Variants in SMG1 observed in about 807,000 individuals in gnomAD.
SMG1 encodes SMG1 nonsense mediated mRNA decay associated PI3K related kinase.
A neutral mutation model predicts 419.9 loss-of-function variants in SMG1; 22 were observed. That is an observed-to-expected ratio of 0.05 (90% CI 0.04 to 0.07). The LOEUF (loss-of-function observed/expected upper bound fraction) is 0.07. SMG1 is among the 10% of genes least tolerant of loss of function. The pLI is 1.00. For synonymous variants in SMG1, 1,538 were observed against 1,553.5 expected (o/e 0.99, Z 0.23); for missense variants, 3,185 against 4,342.0 (o/e 0.73, Z 7.49).
At chr16:18,898,545 G>C (rs1471363932) in intron 1 of SMG1, among the ~76,000 whole-genome samples, 2 of 152,098 alleles carry the variant, frequency 1.3e-5, no homozygotes, top group East Asian at 3.9e-4. Flanking sequence ...CATTTAACAT[G>C]CATCTATATA....
intron 13 of SMG1, among the ~76,000 whole-genome samples, chr16:18,874,385 C>T (rs1458930467): frequency 2.6e-5 from 4 of 151,630 alleles, no homozygotes; most frequent in African/African-American, 7.3e-5. Context: ...GTGATCAGCC[C>T]GACTTGGCCT....
chr16:18,844,474 TACACAC>T (rs71141074), intron 39 of SMG1, among the ~76,000 whole-genome samples: 298 of 4,180 alleles, frequency 0.071, 83 homozygotes, highest in South Asian at 0.22. Flanking sequence ...CCCGCCCACC[TACACAC>T]ACACACACAC....
At chr16:18,879,352 C>T (rs1289784622) in intron 11 of SMG1, 143 bp downstream of exon 11, 17 of 626,164 alleles carry the variant, frequency 2.7e-5, no homozygotes, top group South Asian at 2.5e-4. Flanking sequence ...TGGATGCAAG[C>T]AATCCTTCTG....
At chr16:18,833,805 T>C (rs1419788042) in intron 50 of SMG1, among the ~76,000 whole-genome samples, 1 of 152,218 alleles carries the variant, frequency 6.6e-6, no homozygotes, top group African/African-American at 2.4e-5. Flanking sequence ...TCTCATATTA[T>C]ACACTCTCCA....
intron 50 of SMG1, 29 bp downstream of exon 50, chr16:18,834,175 A>G: frequency 1.3e-6 from 2 of 1,482,220 alleles, no homozygotes; most frequent in Non-Finnish European, 1.8e-6. Flanking sequence ...TATCTAAAAC[A>G]AACTAATATT....
intron 5 of SMG1, among the ~76,000 whole-genome samples, chr16:18,889,973 G>A (rs1159408209): frequency 6.6e-6 from 1 of 152,122 alleles, no homozygotes; most frequent in Non-Finnish European, 1.5e-5. Context: ...ATAAAAAATG[G>A]TAATAGTTAA....
intron 7 of SMG1, 53 bp downstream of exon 7, chr16:18,885,488 C>T (rs1187522904): frequency 6.3e-7 from 1 of 1,591,588 alleles, no homozygotes; most frequent in Non-Finnish European, 8.5e-7. Context: ...GATCCTCACA[C>T]ACACAACCAT....
In SMG1 at chr16:18,834,273, T is replaced by C. The variant is rs756997118; in HGVS notation, c.8496A>G (p.Leu2832=). 71 of 1,611,118 alleles carry C rather than the reference T, an allele frequency of 4.4e-5. No homozygotes were observed. The Admixed American group carries it at 1.2e-3, about 26-fold the overall frequency. Residue 2832 remains leucine (L), a synonymous_variant, in exon 50 of 63, where the codon TTA becomes TTG. Coordinates refer to ENST00000446231, the MANE Select transcript of SMG1 (RefSeq NM_015092.5). The part of the protein sequence containing the change: ...LKQCHLVPQD[L]DIPNPMEASE... Reference sequence around the variant, plus strand: ...ACGCTTCCATGGGGTTCGGGATATCTAAGTCCTGTGGCACCAGGTGGCACT... The same window carrying C: ...ACGCTTCCATGGGGTTCGGGATATCCAAGTCCTGTGGCACCAGGTGGCACT...
At chr16:18,856,221 G>A (rs1348380360) in intron 29 of SMG1, 1 of 152,210 alleles carries the variant, frequency 6.6e-6, no homozygotes, top group Non-Finnish European at 1.5e-5. Flanking sequence ...GGAGTGCAGT[G>A]GCATGATCAT....
In SMG1 at chr16:18,838,142, C is replaced by T. The variant is rs966666107; in HGVS notation, c.7285G>A (p.Gly2429Ser). 6.2e-6 allele frequency: 10 copies of T among 1,613,774 alleles called. No homozygotes were observed. The highest frequency in any genetic ancestry group is 7.6e-6 in the Non-Finnish European group (9 of 1,179,792). The change falls in exon 45 of 63, where the codon GGC becomes AGC. Residue 2429 changes from glycine (G) to serine (S), a missense_variant. Gly to Ser is a moderately conservative substitution (Grantham distance 56, BLOSUM62 0). Transcript: ENST00000446231. The part of the protein sequence containing the change: ...YDPLVDWTAG[G>S]EAGFAGAVYG... Reference sequence around the variant, plus strand: ...ACAGCACCAGCAAACCCAGCCTCGCCTCCTGCTGTCCAGTCCACCAGAGGG... The same window carrying T: ...ACAGCACCAGCAAACCCAGCCTCGCTTCCTGCTGTCCAGTCCACCAGAGGG...
intron 23 of SMG1, 43 bp from the exon 24 acceptor site, chr16:18,864,187 C>CTTTTTTTT (rs748193551): frequency 3.8e-5 from 23 of 598,096 alleles, no homozygotes; most frequent in African/African-American, 1.2e-4. Context: ...TATCTACTTA[C>CTTTTTTTT]TTTTTTTTTT....
At chr16:18,827,615 A>T (rs1361259113) in intron 55 of SMG1, among the ~76,000 whole-genome samples, 2 of 144,544 alleles carry the variant, frequency 1.4e-5, no homozygotes, top group African/African-American at 5.0e-5. Context: ...TAAATATACC[A>T]AAATATATAT....
intron 22 of SMG1, among the ~76,000 whole-genome samples, chr16:18,867,517 G>A (rs1373605942): frequency 7.0e-6 from 1 of 142,120 alleles, no homozygotes; most frequent in African/African-American, 2.7e-5. Context: ...AAGTGAAACT[G>A]TGTCTCAAAA....
chr16:18,843,422 T>G (rs1356743696), intron 39 of SMG1, among the ~76,000 whole-genome samples: 1 of 152,238 alleles, frequency 6.6e-6, no homozygotes, highest in Non-Finnish European at 1.5e-5. Flanking sequence ...TATGTACAGT[T>G]GTGTTGCTAC....
At chr16:18,848,626 T>G (rs1374435147) in intron 36 of SMG1, among the ~76,000 whole-genome samples, 1 of 151,870 alleles carries the variant, frequency 6.6e-6, no homozygotes, top group South Asian at 2.1e-4. Flanking sequence ...ATAATTCTTA[T>G]CCATCAGTAA....
chr16:18,836,008 A>G lies in SMG1; in HGVS notation c.7982T>C (p.Ile2661Thr). Residue 2661 changes from isoleucine (I) to threonine (T), a missense_variant, in exon 48 of 63, where the codon ATT becomes ACT. Coordinates refer to ENST00000446231, the MANE Select transcript of SMG1 (RefSeq NM_015092.5). ...YPKAIFQKHR[I>T]EQWKTWMEEL... ...TTCCATCCAGGTCTTCCACTGTTCA[A>G]TTCGATGTTTCTGAAATATGGCCTT... 1 of 1,562,620 alleles carries G rather than the reference A, an allele frequency of 6.4e-7. No individual in the cohort carries two copies. Among genetic ancestry groups the G allele is most frequent in the Non-Finnish European group, 8.7e-7 (1 of 1,152,926 alleles).
rs1213499813 is a variant in SMG1 at position 18,872,761 on chromosome 16, A to T, written c.1891-137T>A. 33 of 751,012 alleles carry T rather than the reference A, an allele frequency of 4.4e-5. No individual in the cohort carries two copies. In the East Asian group the frequency reaches 8.9e-4, roughly 20 times the overall value. The allele number at this position is 751,012 out of a possible 1,614,324, so 46.5% of individuals were successfully genotyped here. Reference sequence around the variant, plus strand: ...GACTGCAAGGGATCTAGTACACTAAACCTGGGACAAACACTTTTTTATGAA... The same window carrying T: ...GACTGCAAGGGATCTAGTACACTAATCCTGGGACAAACACTTTTTTATGAA... On this transcript the variant is annotated intron_variant, in intron 13 of 62. Transcript: ENST00000446231.
chr16:18,852,353 A>C lies in SMG1; in HGVS notation c.4878T>G (p.Ala1626=). The part of the protein sequence containing the change: ...AKSWAALASW[A]YRWGRKVVDN... ...CAACCACCTTTCTGCCCCACCTATA[A>C]GCCCAGCTGGCCAACGCTGCCCAAG... Residue 1626 remains alanine (A), a synonymous_variant, in exon 32 of 63, where the codon GCT becomes GCG. Coordinates refer to ENST00000446231, the MANE Select transcript of SMG1 (RefSeq NM_015092.5). 1.2e-6 allele frequency: 2 copies of C among 1,613,736 alleles called. No homozygotes were observed. The highest frequency in any genetic ancestry group is 2.2e-5 in the South Asian group (2 of 91,026).
At chr16:18,903,934 C>CTTTTTTTTTTTTTTTTTTTTTTTTTTT (rs71141091) in intron 1 of SMG1, among the ~76,000 whole-genome samples, 1 of 99,876 alleles carries the variant, frequency 1.0e-5, no homozygotes. Flanking sequence ...TATGTCTTGT[C>CTTTTTTTTTTTTTTTTTTTTTTTTTTT]TTTTTTTTTT....
Sources: allele counts gnomAD v4.1 joint callset (sites outside exome capture counted in the v4.1 genomes callset), GRCh38; gene constraint gnomAD v4.1.1; transcripts MANE v1.5; gene names NCBI Gene and HGNC (gene_info 2026-07-23, HGNC 2026-07-21).